Variants in SBF2 observed in about 807,000 individuals in gnomAD.
The protein encoded by SBF2 is SET binding factor 2, also known as myotubularin-related protein 13.
SBF2 carries 112 observed loss-of-function variants against 225.2 expected under a neutral mutation model. The observed-to-expected ratio is 0.50, with a 90% confidence interval of 0.43 to 0.58. The LOEUF (loss-of-function observed/expected upper bound fraction) is 0.58, where lower values mean the gene tolerates loss of function less well. SBF2 is among the 20% of genes least tolerant of loss of function. The pLI is 0.00. For missense variants in SBF2, 1,996 were observed against 2,206.2 expected, an observed-to-expected ratio of 0.90 and a Z score of 1.91; for synonymous variants, 763 against 773.3, an observed-to-expected ratio of 0.99 and a Z score of 0.22.
intron 17 of SBF2, among the ~76,000 whole-genome samples, chr11:9,886,065 T>C (rs913804599): frequency 6.6e-6 from 1 of 152,138 alleles, no homozygotes. Flanking sequence ...AAAAAGAAAA[T>C]GTACTTGGAG....
chr11:9,856,856 T>G, intron 18 of SBF2, 136 bp from the exon 19 acceptor site: 1 of 863,142 alleles, frequency 1.2e-6, no homozygotes, highest in South Asian at 1.6e-5. Flanking sequence ...GGCACGATCT[T>G]GGCTCACTGC....
At chr11:9,959,885 ACT>A (rs987073239) in intron 16 of SBF2, 2 of 412,048 alleles carry the variant, frequency 4.9e-6, no homozygotes, top group Admixed American at 2.8e-5. Context: ...GCGCTCAGAA[ACT>A]CTGCTCTTCT....
At chr11:10,010,354 G>C (rs928540251) in intron 6 of SBF2, among the ~76,000 whole-genome samples, 1 of 152,092 alleles carries the variant, frequency 6.6e-6, no homozygotes. Flanking sequence ...CTTCTTCTAG[G>C]GTTTTAATGG....
At chr11:10,108,252 G>A (rs1022682726) in intron 2 of SBF2, among the ~76,000 whole-genome samples, 5 of 152,154 alleles carry the variant, frequency 3.3e-5, no homozygotes, top group Non-Finnish European at 7.3e-5. Flanking sequence ...CAGAGGCTAA[G>A]GAAGAATGAG....
Position 9,964,083 on chromosome 11 carries a change from C to T in SBF2, c.1601-201G>A, listed in dbSNP as rs181740704. On this transcript the variant is annotated intron_variant, in intron 14 of 39. Coordinates refer to ENST00000256190, the MANE Select transcript of SBF2 (RefSeq NM_030962.4). ...CTGGGCAACATAGCAAGACCCTTGT[C>T]TACAAAAAATACAAAAATTAGCCGG... is the stretch of plus-strand genomic sequence containing the variant. 6.6e-3 allele frequency among the ~76,000 whole-genome samples: 1,002 copies of T among 152,144 alleles called. 57 individuals are homozygous for T. Among genetic ancestry groups the T allele is most frequent in the Admixed American group, 0.054 (819 of 15,280 alleles).
intron 27 of SBF2, 105 bp downstream of exon 27, chr11:9,832,119 A>C: frequency 1.0e-6 from 1 of 977,220 alleles, no homozygotes; most frequent in East Asian, 2.5e-5. Context: ...TTTGTGTGTG[A>C]GACAAGACTT....
intron 16 of SBF2, among the ~76,000 whole-genome samples, chr11:9,899,330 C>T (rs1005076235): frequency 5.1e-5 from 5 of 97,846 alleles, no homozygotes; most frequent in Non-Finnish European, 1.0e-4. Flanking sequence ...TCTGCTTCTA[C>T]AAAAAATTAA....
intron 2 of SBF2, among the ~76,000 whole-genome samples, chr11:10,163,688 A>G (rs1341221473): frequency 2.0e-5 from 3 of 152,176 alleles, no homozygotes; most frequent in Non-Finnish European, 4.4e-5. Context: ...CAGAGCCTTT[A>G]AGATTTTAGT....
intron 29 of SBF2, among the ~76,000 whole-genome samples, chr11:9,813,560 T>C (rs1351242309): frequency 6.6e-6 from 1 of 152,134 alleles, no homozygotes; most frequent in Non-Finnish European, 1.5e-5. Context: ...TCTTTTGACC[T>C]TGTGATCCGC....
intron 1 of SBF2, among the ~76,000 whole-genome samples, chr11:10,241,230 G>A (rs11827277): frequency 0.069 from 10,524 of 152,162 alleles, 428 homozygotes; most frequent in Middle Eastern, 0.15. Context: ...GCACACGCCT[G>A]TACTCCCAGC....
intron 1 of SBF2, among the ~76,000 whole-genome samples, chr11:10,254,891 ACT>A (rs1439342099): frequency 5.4e-5 from 6 of 110,110 alleles, no homozygotes; most frequent in Non-Finnish European, 1.0e-4. Flanking sequence ...ACAGAGTGAG[ACT>A]CTGTCTCAAA....
At chr11:9,853,518 C>G (rs1162085327) in intron 20 of SBF2, 22 bp downstream of exon 20, 1 of 1,608,050 alleles carries the variant, frequency 6.2e-7, no homozygotes, top group Admixed American at 1.7e-5. Context: ...TTCTGATTCT[C>G]TAATATCTGC....
At chr11:9,810,743 A>T (rs948127379) in intron 30 of SBF2, 4 of 152,254 alleles carry the variant, frequency 2.6e-5, no homozygotes, top group African/African-American at 4.8e-5. Flanking sequence ...AGAAAAGGGA[A>T]TGTATATACA....
Position 9,808,943 on chromosome 11 carries a change from T to C in SBF2, c.4215A>G (p.Ser1405=), listed in dbSNP as rs1564873046. The C allele has an allele frequency of 6.2e-7, 1 of 1,614,104 alleles. No individual in the cohort carries two copies. The change falls in exon 31 of 40, where the codon TCA becomes TCG. Residue 1405 remains serine (S), a synonymous_variant. Coordinates refer to ENST00000256190, the MANE Select transcript of SBF2 (RefSeq NM_030962.4). Reference sequence around the variant, plus strand: ...AGCCTTCCTCCAAACAGACCAAAACTGAGGAACCATTCTCAAGTACTTCTG... The same window carrying C: ...AGCCTTCCTCCAAACAGACCAAAACCGAGGAACCATTCTCAAGTACTTCTG... The part of the protein sequence containing the change: ...VVSEVLENGS[S]VLVCLEEGWD...
intron 1 of SBF2, among the ~76,000 whole-genome samples, chr11:10,253,067 G>C (rs1474324173): frequency 7.7e-6 from 1 of 129,940 alleles, no homozygotes; most frequent in Non-Finnish European, 1.6e-5. Flanking sequence ...TTTTAACATG[G>C]GAAAAACATA....
intron 2 of SBF2, among the ~76,000 whole-genome samples, chr11:10,129,866 G>C (rs181803463): frequency 7.2e-5 from 11 of 151,876 alleles, no homozygotes; most frequent in Non-Finnish European, 1.0e-4. Context: ...AAACATTAAT[G>C]AGGTATGGTG....
At chr11:9,932,000 C>A (rs1272578005) in intron 16 of SBF2, among the ~76,000 whole-genome samples, 4 of 132,504 alleles carry the variant, frequency 3.0e-5, no homozygotes, top group African/African-American at 1.3e-4. Context: ...GCTTCAATAC[C>A]CAATTCGATC....
chr11:10,043,796 A>G (rs1211805032), intron 2 of SBF2, among the ~76,000 whole-genome samples: 1 of 152,020 alleles, frequency 6.6e-6, no homozygotes, highest in Non-Finnish European at 1.5e-5. Context: ...CTGGTCTCGA[A>G]CTCCTGGGCT....
rs968354220 is a variant in SBF2 at position 9,852,812 on chromosome 11, G to A, written c.2537-63C>T. Reference sequence around the variant, plus strand: ...GACAAGCAGGATAAAAACAAATTCTGGATATTTTAGAATTAAAAGTTAATT... The same window carrying A: ...GACAAGCAGGATAAAAACAAATTCTAGATATTTTAGAATTAAAAGTTAATT... On this transcript the variant is annotated intron_variant, in intron 20 of 39. Coordinates refer to ENST00000256190, the MANE Select transcript of SBF2 (RefSeq NM_030962.4). The A allele has an allele frequency of 2.0e-5, 24 of 1,222,686 alleles. No homozygotes were observed. The African/African-American group carries it at 3.1e-4, about 16-fold the overall frequency. The allele number at this position is 1,222,686 out of a possible 1,614,324, so 75.7% of individuals were successfully genotyped here.
Sources: allele counts gnomAD v4.1 joint callset (sites outside exome capture counted in the v4.1 genomes callset), GRCh38; gene constraint gnomAD v4.1.1; transcripts MANE v1.5; gene names NCBI Gene and HGNC (gene_info 2026-07-23, HGNC 2026-07-21).